Variants in PARD3B observed in about 807,000 individuals in gnomAD.
PARD3B encodes the protein par-3 family cell polarity regulator beta, also known as partitioning defective 3 homolog B.
PARD3B carries 103 observed loss-of-function variants against 130.2 expected under a neutral mutation model. The ratio of observed to expected loss-of-function variants is 0.79; its 90% CI spans 0.67 to 0.93. The LOEUF (loss-of-function observed/expected upper bound fraction) is 0.93, where lower values mean the gene tolerates loss of function less well. Among genes scored for constraint, PARD3B ranks in the 40% least tolerant of loss-of-function variants. The pLI is 0.00. For synonymous variants in PARD3B, 583 were observed against 553.2 expected, an observed-to-expected ratio of 1.05 and a Z score of -0.76; for missense variants, 1,609 against 1,499.2, an observed-to-expected ratio of 1.07 and a Z score of -1.21.
intron 2 of PARD3B, among the ~76,000 whole-genome samples, chr2:204,730,034 C>G (rs1483804960): frequency 1.3e-5 from 2 of 149,580 alleles, no homozygotes; most frequent in Non-Finnish European, 3.0e-5. Flanking sequence ...CACACACACA[C>G]AGTGACTATT....
At chr2:204,840,756 G>A (rs1199123347) in intron 2 of PARD3B, among the ~76,000 whole-genome samples, 1 of 151,832 alleles carries the variant, frequency 6.6e-6, no homozygotes, top group Non-Finnish European at 1.5e-5. Context: ...CGCAAAGTAG[G>A]TTGAGATCAT....
intron 18 of PARD3B, among the ~76,000 whole-genome samples, chr2:205,355,546 A>G (rs2044161144): frequency 6.6e-6 from 1 of 151,330 alleles, no homozygotes; most frequent in Admixed American, 6.6e-5. Flanking sequence ...TGACTCTCGC[A>G]TGTTGCTTCA....
chr2:205,320,122 C>T (rs1362972496), intron 18 of PARD3B, among the ~76,000 whole-genome samples: 4 of 138,816 alleles, frequency 2.9e-5, no homozygotes, highest in Non-Finnish European at 6.1e-5. Flanking sequence ...GCTGAGATCA[C>T]GCCGCTGCAC....
intron 16 of PARD3B, among the ~76,000 whole-genome samples, chr2:205,279,370 A>G (rs1212878565): frequency 1.3e-5 from 2 of 152,162 alleles, no homozygotes; most frequent in Non-Finnish European, 2.9e-5. Flanking sequence ...CTCTGAGGCT[A>G]ACTAACGCCA....
chr2:204,662,089 A>G (rs569124661), intron 1 of PARD3B, among the ~76,000 whole-genome samples: 1 of 152,344 alleles, frequency 6.6e-6, no homozygotes, highest in Admixed American at 6.5e-5. Flanking sequence ...ACACTGGTCT[A>G]TCTTGCATTT....
chr2:205,199,954 T>G (rs1161929465), intron 15 of PARD3B, among the ~76,000 whole-genome samples: 1 of 151,794 alleles, frequency 6.6e-6, no homozygotes, highest in Non-Finnish European at 1.5e-5. Flanking sequence ...GATCATCAGA[T>G]TTCCATGTTT....
intron 15 of PARD3B, among the ~76,000 whole-genome samples, chr2:205,207,888 T>A (rs2037405835): frequency 8.2e-6 from 1 of 121,666 alleles, no homozygotes; most frequent in South Asian, 2.8e-4. Context: ...ATCATTCTGA[T>A]ACCGAAGCCA....
intron 1 of PARD3B, among the ~76,000 whole-genome samples, chr2:204,636,740 G>C (rs551094084): frequency 6.6e-6 from 1 of 151,808 alleles, no homozygotes; most frequent in Non-Finnish European, 1.5e-5. Context: ...TTTATACTTA[G>C]GCTTCTTTCT....
chr2:204,557,608 A>G (rs2125050866), intron 1 of PARD3B, among the ~76,000 whole-genome samples: 1 of 152,342 alleles, frequency 6.6e-6, no homozygotes, highest in Non-Finnish European at 1.5e-5. Flanking sequence ...TTTAAAATAA[A>G]AATGAGAATG....
intron 4 of PARD3B, among the ~76,000 whole-genome samples, chr2:205,063,949 A>G (rs1700208997): frequency 6.6e-6 from 1 of 152,130 alleles, no homozygotes; most frequent in South Asian, 2.1e-4. Context: ...CGCATATCCA[A>G]ACTTTGAAGT....
chr2:205,541,366 G>GCAAAAAAAAAAAAAAAAA, intron 21 of PARD3B, among the ~76,000 whole-genome samples: 1 of 57,264 alleles, frequency 1.7e-5, no homozygotes, highest in Non-Finnish European at 3.2e-5. Context: ...TTTTTTTTTT[G>GCAAAAAAAAAAAAAAAAA]AGACAGAGTT....
At chr2:204,972,051 A>G (rs1307650570) in intron 3 of PARD3B, among the ~76,000 whole-genome samples, 3 of 152,122 alleles carry the variant, frequency 2.0e-5, no homozygotes, top group Non-Finnish European at 4.4e-5. Flanking sequence ...TAAAATTAAT[A>G]CTTTGTAAAA....
At chr2:204,774,737 A>G (rs78968942) in intron 2 of PARD3B, among the ~76,000 whole-genome samples, 2,463 of 152,268 alleles carry the variant, frequency 0.016, 33 homozygotes, top group South Asian at 0.052. Context: ...AAGCCCTACT[A>G]TGAAAATGTT....
chr2:205,271,713 A>G lies in PARD3B; in HGVS notation c.2185+25891A>G, dbSNP rs142682383. Among the ~76,000 whole-genome samples the G allele has an allele frequency of 1.1e-4, 16 of 152,308 alleles. No homozygotes were observed. The East Asian group carries it at 3.1e-3, about 29-fold the overall frequency. On this transcript the variant is annotated intron_variant, in intron 16 of 22. Transcript: ENST00000406610. ...TTCCTTCAGGGGCCCCCAAATGTGG[A>G]TTGGGAATCCAGGTTGGAAACCACT...
intron 22 of PARD3B, among the ~76,000 whole-genome samples, chr2:205,580,306 C>T (rs2053915223): frequency 6.6e-6 from 1 of 152,166 alleles, no homozygotes; most frequent in Non-Finnish European, 1.5e-5. Context: ...CGCACAGCAT[C>T]TCTGAATCAC....
At position 205,124,396 on chromosome 2, in the gene PARD3B, T is replaced by TA; in HGVS notation, c.1241dup (p.Asn414LysfsTer70). 6.2e-7 allele frequency: 1 copy of TA among 1,605,114 alleles called. No homozygotes were observed. Among genetic ancestry groups the TA allele is most frequent in the Non-Finnish European group, 8.5e-7 (1 of 1,175,212 alleles). On this transcript the variant is annotated frameshift_variant, in exon 9 of 23. Coordinates refer to ENST00000406610, the MANE Select transcript of PARD3B (RefSeq NM_001302769.2). LOFTEE classifies it high-confidence loss of function. ...ATACATGGTCCCGGTCCCATTTTTG[T>TA]AAAAAACATTTTACCAAAGGGAGCA...
intron 18 of PARD3B, among the ~76,000 whole-genome samples, chr2:205,380,522 A>AGT (rs2045320655): frequency 3.4e-3 from 1 of 292 alleles, no homozygotes; most frequent in African/African-American, 0.011. Flanking sequence ...ATATATAAAG[A>AGT]ATATATATTA....
At position 204,998,469 on chromosome 2, in the gene PARD3B, A is replaced by ATATATATGTGTATATAATATATGTG. The variant is rs1559341997; in HGVS notation, c.394+33170_394+33171insGTATATATGTGTATATAATATATGT. ...ATATATATGTGTATATTATATATGT[A>ATATATATGTGTATATAATATATGTG]TATATATGTGTATATAATATATGTA... On this transcript the variant is annotated intron_variant, in intron 3 of 22. Coordinates refer to ENST00000406610, the MANE Select transcript of PARD3B (RefSeq NM_001302769.2). Among the ~76,000 whole-genome samples the ATATATATGTGTATATAATATATGTG allele has an allele frequency of 5.8e-4, 56 of 95,868 alleles. 2 individuals are homozygous for ATATATATGTGTATATAATATATGTG. In the East Asian group the frequency reaches 0.012, roughly 20 times the overall value. 62.9% of individuals were successfully genotyped at this position (95,868 alleles called of 152,430 possible). A position where few individuals can be genotyped will look rare whatever the true frequency, so the allele number is the denominator to read the frequency against.
chr2:205,121,937 G>T lies in PARD3B; in HGVS notation c.1153G>T (p.Asp385Tyr), dbSNP rs370702778. The change falls in exon 8 of 23, where the codon GAC (aspartate) becomes TAC (tyrosine). Residue 385 changes from aspartate to tyrosine, a missense_variant. By Grantham distance (160) the Asp-to-Tyr change is radical. Transcript: ENST00000406610. The surrounding 1 kb of genome is among the most constrained non-coding windows in gnomAD (Gnocchi z 5.0). ...TAAAAATGCAAAGAAAATTAAGATT[G>T]ACCTAAAGAAAGGTAATTATTAAAT... Reference protein sequence around the residue: ...SNKNAKKIKIDLKKGPEGLGF... With the variant: ...SNKNAKKIKIYLKKGPEGLGF... 6.2e-7 allele frequency: 1 copy of T among 1,604,386 alleles called. No individual in the cohort carries two copies. The highest frequency in any genetic ancestry group is 8.5e-7 in the Non-Finnish European group (1 of 1,173,726).
Sources: allele counts gnomAD v4.1 joint callset (sites outside exome capture counted in the v4.1 genomes callset), GRCh38; gene constraint gnomAD v4.1.1; non-coding constraint Gnocchi (gnomAD v3.1); transcripts MANE v1.5; gene names NCBI Gene and HGNC (gene_info 2026-07-23, HGNC 2026-07-21).